The following ART4 variants were observed in gnomAD, a reference collection of about 807,000 sequenced individuals.
ART4 encodes ADP-ribosyltransferase 4 (inactive) (Dombrock blood group).
In ART4, 14 loss-of-function variants were observed where a neutral mutation model predicts 24.2. The ratio of observed to expected loss-of-function variants is 0.58; its 90% CI spans 0.38 to 0.90. ART4 has a LOEUF of 0.90. Ranked by LOEUF, ART4 falls within the 40% of genes least tolerant of loss-of-function variation. ART4 has a pLI of 0.00. For missense variants in ART4, 356 were observed against 366.6 expected (o/e 0.97, Z 0.24); for synonymous variants, 145 against 139.9 (o/e 1.04, Z -0.26).
Position 14,840,608 on chromosome 12 carries a change from G to A in ART4, c.690C>T (p.Thr230=). The change falls in exon 2 of 3, where the codon ACC becomes ACT. Residue 230 remains threonine, a synonymous_variant. Coordinates refer to ENST00000228936, the MANE Select transcript of ART4 (RefSeq NM_021071.4). ...AGTACTGTACAGGTGCACCCAGGCAGGTGAATATGGTAAATAGTGTCTGGT... is the reference window on the plus strand; with the variant it reads ...AGTACTGTACAGGTGCACCCAGGCAAGTGAATATGGTAAATAGTGTCTGGT... ...FGNQTLFTIF[T]CLGAPVQYFS... 1 of 1,614,158 alleles carries A rather than the reference G, an allele frequency of 6.2e-7. No homozygotes were observed. Among genetic ancestry groups the A allele is most frequent in the Non-Finnish European group, 8.5e-7 (1 of 1,180,028 alleles).
rs1950372887 is a variant in ART4 at position 14,828,436 on chromosome 12, A to G, written c.*935T>C. 6.6e-6 allele frequency: 1 copy of G among 152,110 alleles called. No individual in the cohort carries two copies. Among genetic ancestry groups the G allele is most frequent in the African/African-American group, 2.4e-5 (1 of 41,416 alleles). The allele number at this position is 152,110 out of a possible 1,614,324, so 9.4% of individuals were successfully genotyped here. A position where few individuals can be genotyped will look rare whatever the true frequency, so the allele number is the denominator to read the frequency against. ...CATTAACTTTCCCTTTTATTTCTCA[A>G]GTTTCCATGTGTCTTCTCATCTGAG... On this transcript the variant is annotated 3_prime_UTR_variant, in exon 3 of 3. Transcript: ENST00000228936.
chr12:14,829,258 A>G lies in ART4; in HGVS notation c.*113T>C, dbSNP rs1950377547. The G allele has an allele frequency of 5.6e-6, 4 of 710,206 alleles. No individual in the cohort carries two copies. The highest frequency in any genetic ancestry group is 8.8e-6 in the Non-Finnish European group (4 of 454,798). 44.0% of individuals were successfully genotyped at this position (710,206 alleles called of 1,614,324 possible). Reference sequence around the variant, plus strand: ...GAGGCCATGCACTGGTTTCAGCAGAAGTATGATGGGATCATCCTTCCTGGA... The same window carrying G: ...GAGGCCATGCACTGGTTTCAGCAGAGGTATGATGGGATCATCCTTCCTGGA... On this transcript the variant is annotated 3_prime_UTR_variant, in exon 3 of 3. Transcript: ENST00000228936.
rs1950457495 is a variant in ART4 at position 14,840,245 on chromosome 12, T to C, written c.853+200A>G. 1.7e-5 allele frequency: 9 copies of C among 514,582 alleles called. No individual in the cohort carries two copies. In the South Asian group the frequency reaches 2.5e-4, roughly 15 times the overall value. The allele number at this position is 514,582 out of a possible 1,614,324, so 31.9% of individuals were successfully genotyped here. ...CATAATAATTTCACTGCAGAACTTA[T>C]TGTCCTGGAGGTAATGGAGTAGGAA... On this transcript the variant is annotated intron_variant, in intron 2 of 2. Coordinates refer to ENST00000228936, the MANE Select transcript of ART4 (RefSeq NM_021071.4).
At chr12:14,837,080 T>C (rs1950436079) in intron 2 of ART4, among the ~76,000 whole-genome samples, 1 of 152,090 alleles carries the variant, frequency 6.6e-6, no homozygotes, top group Admixed American at 6.5e-5. Flanking sequence ...ACTCACAGTG[T>C]AGACTGTGGA....
intron 2 of ART4, among the ~76,000 whole-genome samples, chr12:14,839,106 C>G (rs898636697): frequency 6.6e-6 from 1 of 152,036 alleles, no homozygotes; most frequent in African/African-American, 2.4e-5. Context: ...AAGATGTTGA[C>G]CAAATTGATT....
At chr12:14,832,149 C>T (rs764767251) in intron 2 of ART4, among the ~76,000 whole-genome samples, 1 of 152,162 alleles carries the variant, frequency 6.6e-6, no homozygotes, top group South Asian at 2.1e-4. Flanking sequence ...CTGCCCAAAA[C>T]CTCTCAGTGG....
chr12:14,835,909 C>T (rs557606582), intron 2 of ART4, among the ~76,000 whole-genome samples: 1 of 152,178 alleles, frequency 6.6e-6, no homozygotes, highest in Admixed American at 6.5e-5. Context: ...GGCTGGCAAT[C>T]AAACATTTTT....
chr12:14,835,938 T>C (rs1950427829), intron 2 of ART4, among the ~76,000 whole-genome samples: 1 of 152,142 alleles, frequency 6.6e-6, no homozygotes, highest in Admixed American at 6.6e-5. Flanking sequence ...AAGAGATAGA[T>C]ATTGTGTCCT....
Position 14,828,961 on chromosome 12 carries a change from T to C in ART4, c.*410A>G, listed in dbSNP as rs529485758. ...ATTCAGAAAAGAAGCTCCCATTCTA[T>C]TTCCAATTGCAATTCCACAAAAGTA... On this transcript the variant is annotated 3_prime_UTR_variant, in exon 3 of 3. Coordinates refer to ENST00000228936, the MANE Select transcript of ART4 (RefSeq NM_021071.4). The C allele has an allele frequency of 2.6e-5, 4 of 153,442 alleles. No homozygotes were observed. The South Asian group carries it at 8.2e-4, about 31-fold the overall frequency. 9.5% of individuals were successfully genotyped at this position (153,442 alleles called of 1,614,324 possible). A position where few individuals can be genotyped will look rare whatever the true frequency, so the allele number is the denominator to read the frequency against.
intron 2 of ART4, among the ~76,000 whole-genome samples, chr12:14,829,859 A>T (rs1210717737): frequency 2.0e-5 from 3 of 152,224 alleles, no homozygotes; most frequent in Non-Finnish European, 4.4e-5. Context: ...GCTATATATT[A>T]ACTTAAGCCT....
chr12:14,829,768 A>G (rs1950381771), intron 2 of ART4, among the ~76,000 whole-genome samples: 1 of 152,188 alleles, frequency 6.6e-6, no homozygotes, highest in Non-Finnish European at 1.5e-5. Flanking sequence ...CCCCATCTTA[A>G]TTATCATCAT....
rs1301361100 is a variant in ART4 at position 14,828,675 on chromosome 12, C to G, written c.*696G>C. The G allele has an allele frequency of 6.6e-6, 1 of 152,118 alleles. No homozygotes were observed. The highest frequency in any genetic ancestry group is 6.5e-5 in the Admixed American group (1 of 15,268). 9.4% of individuals were successfully genotyped at this position (152,118 alleles called of 1,614,324 possible). ...TCGTTGGAACTTCAACTGCTTGATG[C>G]TTGACATAGAAAATCTAATTCAAAT... On this transcript the variant is annotated 3_prime_UTR_variant, in exon 3 of 3. Transcript: ENST00000228936.
intron 2 of ART4, among the ~76,000 whole-genome samples, chr12:14,833,628 C>A (rs772380764): frequency 3.3e-5 from 5 of 152,102 alleles, no homozygotes; most frequent in Non-Finnish European, 7.3e-5. Context: ...GTATTATAAC[C>A]TGATTTTGGT....
rs1950362849 is a variant in ART4 at position 14,826,884 on chromosome 12, C to G, written c.*2487G>C. On this transcript the variant is annotated 3_prime_UTR_variant, in exon 3 of 3. Transcript: ENST00000228936. The stretch of plus-strand genomic sequence containing the variant: ...CTTGTTTTGGGCACTACGCACTTGG[C>G]ACATACTCTTTCTTGTTTTTTTCTC... The G allele has an allele frequency of 6.6e-6, 1 of 152,250 alleles. No individual in the cohort carries two copies. The highest frequency in any genetic ancestry group is 2.4e-5 in the African/African-American group (1 of 41,446). 9.4% of individuals were successfully genotyped at this position (152,250 alleles called of 1,614,324 possible).
At chr12:14,830,690 T>C (rs1372767161) in intron 2 of ART4, among the ~76,000 whole-genome samples, 2 of 116,790 alleles carry the variant, frequency 1.7e-5, no homozygotes, top group Non-Finnish European at 3.5e-5. Context: ...TATATATATA[T>C]ATATATATAC....
Position 14,841,146 on chromosome 12 carries a change from A to T in ART4, c.152T>A (p.Ile51Asn), listed in dbSNP as rs1863047702. Residue 51 changes from isoleucine to asparagine, a missense_variant, in exon 2 of 3, where the codon ATT becomes AAT. By Grantham distance (149) the Ile-to-Asn change is moderately radical (BLOSUM62 -3). Transcript: ENST00000228936. ...TGGTGCGAAGTCGAAGTCGATTTTA[A>T]TTGCAACCTGTAAAAAAAGAAAAAT... ...QRPTEGSEVA[I>N]KIDFDFAPGS... The T allele has an allele frequency of 6.4e-7, 1 of 1,571,686 alleles. No individual in the cohort carries two copies. The highest frequency in any genetic ancestry group is 8.6e-7 in the Non-Finnish European group (1 of 1,165,422).
intron 2 of ART4, among the ~76,000 whole-genome samples, chr12:14,833,061 GT>G (rs1490014088): frequency 6.6e-6 from 1 of 151,980 alleles, no homozygotes; most frequent in Non-Finnish European, 1.5e-5. Flanking sequence ...TCTCTTCAAA[GT>G]TTTTAATTTT....
intron 2 of ART4, among the ~76,000 whole-genome samples, chr12:14,835,669 G>A (rs1045606481): frequency 1.0e-3 from 151 of 151,386 alleles, no homozygotes; most frequent in Non-Finnish European, 2.9e-4. Flanking sequence ...GCAGTGGCGC[G>A]ATCTTGGCTC....
chr12:14,829,424 C>G lies in ART4; in HGVS notation c.892G>C (p.Ala298Pro). 1 of 1,609,470 alleles carries G rather than the reference C, an allele frequency of 6.2e-7. No individual in the cohort carries two copies. Among genetic ancestry groups the G allele is most frequent in the East Asian group, 2.2e-5 (1 of 44,576 alleles). ...KKCIPDPIAIASLSFLTSVII... is the reference protein window; with the variant it reads ...KKCIPDPIAIPSLSFLTSVII... ...ACACTGGTCAAAAAGGAGAGAGATG[C>G]AATAGCTATAGGATCAGGGATGCAT... Residue 298 changes from alanine to proline, a missense_variant, in exon 3 of 3, where the codon GCA (alanine) becomes CCA (proline). Ala to Pro is a conservative substitution (Grantham distance 27). Transcript: ENST00000228936.
Sources: allele counts gnomAD v4.1 joint callset (sites outside exome capture counted in the v4.1 genomes callset), GRCh38; gene constraint gnomAD v4.1.1; transcripts MANE v1.5; gene names NCBI Gene and HGNC (gene_info 2026-07-23, HGNC 2026-07-21).